Variants in NRF1 observed in about 807,000 individuals in gnomAD.
NRF1 encodes alpha palindromic-binding protein.
In NRF1, 5 loss-of-function variants were observed where a neutral mutation model predicts 58.5. The ratio of observed to expected loss-of-function variants is 0.09; its 90% CI spans 0.04 to 0.18. The LOEUF is 0.18. NRF1 is among the 10% of genes least tolerant of loss of function. The probability of loss-of-function intolerance (pLI) is 1.00; values close to 1 mark genes in which losing one functional copy is unlikely to be tolerated. For synonymous variants in NRF1, 224 were observed against 246.7 expected (o/e 0.91, Z 0.86); for missense variants, 288 against 657.7 (o/e 0.44, Z 6.15).
chr7:129,729,722 A>G (rs77425681), intron 10 of NRF1, among the ~76,000 whole-genome samples: 1,678 of 152,314 alleles, frequency 0.011, 33 homozygotes, highest in African/African-American at 0.039. Context: ...TGGGATTGGA[A>G]CCAGATTTTT....
At chr7:129,664,330 A>G (rs964007056) in intron 2 of NRF1, among the ~76,000 whole-genome samples, 5 of 152,210 alleles carry the variant, frequency 3.3e-5, no homozygotes, top group Admixed American at 6.5e-5. Context: ...CTGAATGGGT[A>G]TGGTATTAGA....
At chr7:129,640,047 A>G (rs1801255415) in intron 1 of NRF1, among the ~76,000 whole-genome samples, 1 of 152,160 alleles carries the variant, frequency 6.6e-6, no homozygotes, top group African/African-American at 2.4e-5. Context: ...GCTGAGAATC[A>G]TGCTGTCAGA....
chr7:129,751,258 C>G (rs1433725310), intron 10 of NRF1, among the ~76,000 whole-genome samples: 2 of 152,206 alleles, frequency 1.3e-5, no homozygotes, highest in African/African-American at 4.8e-5. Context: ...CTTAACTGAA[C>G]AACAGTGGCC....
At chr7:129,672,933 G>C (rs571683825) in intron 3 of NRF1, among the ~76,000 whole-genome samples, 1 of 152,292 alleles carries the variant, frequency 6.6e-6, no homozygotes, top group South Asian at 2.1e-4. Flanking sequence ...CACTTAGGGA[G>C]TGAGTATGGA....
At position 129,657,055 on chromosome 7, in the gene NRF1, T is replaced by C. The variant is rs566576749; in HGVS notation, c.-6-291T>C. Among the ~76,000 whole-genome samples, 78 of 152,368 alleles carry C rather than the reference T, an allele frequency of 5.1e-4. No homozygotes were observed. In the South Asian group the frequency reaches 0.015, roughly 28 times the overall value. On this transcript the variant is annotated intron_variant, in intron 1 of 10. Transcript: ENST00000393232. ...TATCTTAAGTATGTTTTTATTGTTA[T>C]ATTTGAATGTCTTTTTATTATTAAG...
intron 4 of NRF1, among the ~76,000 whole-genome samples, chr7:129,681,046 A>T (rs1802295601): frequency 6.6e-6 from 1 of 152,144 alleles, no homozygotes; most frequent in Non-Finnish European, 1.5e-5. Flanking sequence ...GAATGGGGAG[A>T]TTATTCTCGA....
intron 10 of NRF1, chr7:129,735,093 C>G (rs1356041606): frequency 4.1e-6 from 4 of 985,312 alleles, no homozygotes; most frequent in Non-Finnish European, 4.8e-6. Context: ...TGCTTGGGGT[C>G]CCCCAGAGAT....
At chr7:129,707,726 G>A (rs1802984927) in intron 5 of NRF1, among the ~76,000 whole-genome samples, 1 of 152,118 alleles carries the variant, frequency 6.6e-6, no homozygotes, top group Non-Finnish European at 1.5e-5. Flanking sequence ...ATCATATCCT[G>A]TAGGCAGGAG....
chr7:129,666,316 T>A (rs1801920311), intron 2 of NRF1, among the ~76,000 whole-genome samples: 1 of 152,226 alleles, frequency 6.6e-6, no homozygotes, highest in African/African-American at 2.4e-5. Flanking sequence ...GTCATTCTCT[T>A]GCATTTGTCT....
intron 10 of NRF1, chr7:129,735,259 C>T (rs1224323778): frequency 2.0e-6 from 2 of 984,554 alleles, no homozygotes; most frequent in Non-Finnish European, 2.4e-6. Context: ...CTGCTGGGTG[C>T]GGTGGCTCAC....
At chr7:129,674,939 G>C (rs957815847) in intron 3 of NRF1, among the ~76,000 whole-genome samples, 2 of 152,104 alleles carry the variant, frequency 1.3e-5, no homozygotes, top group Admixed American at 6.5e-5. Context: ...TTCCTTTCCT[G>C]AACGATTTCT....
chr7:129,708,632 A>G (rs1016639895), intron 5 of NRF1, among the ~76,000 whole-genome samples: 2 of 152,164 alleles, frequency 1.3e-5, no homozygotes, highest in African/African-American at 2.4e-5. Flanking sequence ...AGGTGACTTC[A>G]TCTATAAATA....
At chr7:129,649,915 A>G (rs998174527) in intron 1 of NRF1, among the ~76,000 whole-genome samples, 2 of 152,010 alleles carry the variant, frequency 1.3e-5, no homozygotes, top group African/African-American at 4.8e-5. Flanking sequence ...CATCATGCCC[A>G]GCTAATTTTT....
chr7:129,661,405 A>G (rs1367373871), intron 2 of NRF1, among the ~76,000 whole-genome samples: 1 of 151,158 alleles, frequency 6.6e-6, no homozygotes, highest in African/African-American at 2.5e-5. Flanking sequence ...AAATTTTCCA[A>G]ACTTTCATGT....
At chr7:129,620,803 T>C (rs543713673) in intron 1 of NRF1, among the ~76,000 whole-genome samples, 1 of 152,374 alleles carries the variant, frequency 6.6e-6, no homozygotes, top group South Asian at 2.1e-4. Flanking sequence ...AATTCATTTT[T>C]AAGTTAGGTG....
intron 1 of NRF1, among the ~76,000 whole-genome samples, chr7:129,636,688 C>T (rs991155351): frequency 6.6e-6 from 1 of 152,144 alleles, no homozygotes; most frequent in Admixed American, 6.6e-5. Flanking sequence ...TTTTCAGTTT[C>T]GAAAACTATC....
intron 1 of NRF1, among the ~76,000 whole-genome samples, chr7:129,620,451 T>C (rs1487867535): frequency 6.6e-6 from 1 of 151,234 alleles, no homozygotes; most frequent in Non-Finnish European, 1.5e-5. Context: ...TGCAGTGGTA[T>C]GATCTTGGCT....
At chr7:129,674,739 A>G (rs1802137124) in intron 3 of NRF1, among the ~76,000 whole-genome samples, 1 of 152,244 alleles carries the variant, frequency 6.6e-6, no homozygotes, top group South Asian at 2.1e-4. Context: ...CTGACCACTA[A>G]AACACTTAAT....
intron 8 of NRF1, among the ~76,000 whole-genome samples, chr7:129,714,898 C>A (rs1803152919): frequency 6.6e-6 from 1 of 152,190 alleles, no homozygotes; most frequent in Non-Finnish European, 1.5e-5. Context: ...TAACTACTCA[C>A]TAGGCCCCAG....
Sources: allele counts gnomAD v4.1 joint callset (sites outside exome capture counted in the v4.1 genomes callset), GRCh38; gene constraint gnomAD v4.1.1; transcripts MANE v1.5; gene names NCBI Gene and HGNC (gene_info 2026-07-23, HGNC 2026-07-21).